The following HS1BP3 variants were observed in gnomAD, a reference collection of about 807,000 sequenced individuals.
HS1BP3 encodes HCLS1-binding protein 3.
Under a neutral mutation model 33.5 loss-of-function variants are expected in HS1BP3, and 32 were observed. The ratio of observed to expected loss-of-function variants is 0.95; its 90% CI spans 0.72 to 1.28. HS1BP3 has a LOEUF of 1.28. Among genes scored for constraint, HS1BP3 ranks in the 50% most tolerant of loss-of-function variants. HS1BP3 has a pLI of 0.00. For synonymous variants in HS1BP3, 187 were observed against 209.2 expected (o/e 0.89, Z 0.92); for missense variants, 486 against 502.3 (o/e 0.97, Z 0.31).
At chr2:20,571,196 C>A (rs916256857) in intron 5 of HS1BP3, among the ~76,000 whole-genome samples, 36 of 152,324 alleles carry the variant, frequency 2.4e-4, no homozygotes, top group African/African-American at 7.5e-4. Context: ...TGTTCCTTGA[C>A]GGTACCCCAG....
At chr2:20,586,074 C>T (rs915284057) in intron 5 of HS1BP3, among the ~76,000 whole-genome samples, 3 of 152,246 alleles carry the variant, frequency 2.0e-5, no homozygotes, top group Non-Finnish European at 4.4e-5. Context: ...CTACAGGCTC[C>T]GAGGTTCCAG....
chr2:20,649,006 G>A (rs907336397), intron 1 of HS1BP3, among the ~76,000 whole-genome samples: 5 of 152,198 alleles, frequency 3.3e-5, no homozygotes, highest in African/African-American at 4.8e-5. Context: ...CCTCACGGCC[G>A]CCATCACCCC....
chr2:20,618,886 C>T lies in HS1BP3; in HGVS notation c.*101G>A. ...GACCCAGGCTTCTGCCTGGCCTCCC[C>T]TGGGGGTGGGGAGGTTCTGACCCTG... On this transcript the variant is annotated 3_prime_UTR_variant, in exon 7 of 7. Coordinates refer to ENST00000304031, the MANE Select transcript of HS1BP3 (RefSeq NM_022460.4). 4 of 1,468,612 alleles carry T rather than the reference C, an allele frequency of 2.7e-6. No individual in the cohort carries two copies. Among genetic ancestry groups the T allele is most frequent in the South Asian group, 1.4e-5 (1 of 71,402 alleles). 91.0% of individuals were successfully genotyped at this position (1,468,612 alleles called of 1,614,324 possible).
chr2:20,555,973 G>A (rs867223965), downstream of HS1BP3, among the ~76,000 whole-genome samples: 1 of 152,104 alleles, frequency 6.6e-6, no homozygotes, highest in Non-Finnish European at 1.5e-5. Context: ...ACAATATATT[G>A]AGTCTATGTG....
chr2:20,650,307 C>A lies in HS1BP3; in HGVS notation c.32+725G>T, dbSNP rs80176929. On this transcript the variant is annotated intron_variant, in intron 1 of 6. Coordinates refer to ENST00000304031, the MANE Select transcript of HS1BP3 (RefSeq NM_022460.4). ...ATATTTGAAGTAAATCACTTTACAG[C>A]GTTTTAAAGGCGGAAAGAAGTAAAA... is the stretch of plus-strand genomic sequence containing the variant. Among the ~76,000 whole-genome samples, 983 of 152,236 alleles carry A rather than the reference C, an allele frequency of 6.5e-3. 13 individuals are homozygous for A. Among genetic ancestry groups the A allele is most frequent in the African/African-American group, 0.023 (953 of 41,526 alleles).
intron 5 of HS1BP3, among the ~76,000 whole-genome samples, chr2:20,569,564 T>C (rs1158035595): frequency 6.6e-6 from 1 of 152,240 alleles, no homozygotes; most frequent in South Asian, 2.1e-4. Flanking sequence ...AAAAATTCAT[T>C]GATCTGAAAT....
At chr2:20,644,677 T>C (rs1456077826) in intron 2 of HS1BP3, among the ~76,000 whole-genome samples, 1 of 152,192 alleles carries the variant, frequency 6.6e-6, no homozygotes, top group Non-Finnish European at 1.5e-5. Flanking sequence ...GGAATGACCA[T>C]ATTGGCCATG....
intron 2 of HS1BP3, among the ~76,000 whole-genome samples, chr2:20,602,684 T>C (rs1694095453): frequency 6.6e-6 from 1 of 152,160 alleles, no homozygotes; most frequent in Non-Finnish European, 1.5e-5. Flanking sequence ...AACTGGAAAG[T>C]CGATGACACC....
chr2:20,636,876 A>G (rs1695147485), intron 4 of HS1BP3: 1 of 152,264 alleles, frequency 6.6e-6, no homozygotes, highest in African/African-American at 2.4e-5. Flanking sequence ...GACAGAGGTG[A>G]TAACGTTGAT....
downstream of HS1BP3, among the ~76,000 whole-genome samples, chr2:20,615,424 C>T (rs533454432): frequency 1.2e-4 from 18 of 152,250 alleles, no homozygotes; most frequent in Non-Finnish European, 2.5e-4. Context: ...AACTGCAAGG[C>T]CTTAGGGTGC....
intron 4 of HS1BP3, among the ~76,000 whole-genome samples, chr2:20,626,093 C>A (rs1390207506): frequency 6.6e-6 from 1 of 152,156 alleles, no homozygotes; most frequent in Admixed American, 6.5e-5. Flanking sequence ...ATGTTGGTAA[C>A]ACGCTGCGGC....
chr2:20,566,281 A>T (rs1202667143), intron 5 of HS1BP3, among the ~76,000 whole-genome samples: 1 of 152,228 alleles, frequency 6.6e-6, no homozygotes, highest in Admixed American at 6.5e-5. Context: ...TACAGCTCTA[A>T]GGGAGACACA....
chr2:20,564,984 C>T (rs1393133536), intron 5 of HS1BP3, among the ~76,000 whole-genome samples: 1 of 152,206 alleles, frequency 6.6e-6, no homozygotes, highest in African/African-American at 2.4e-5. Context: ...GCAGGCTCTG[C>T]CCTGTTCTTT....
downstream of HS1BP3, among the ~76,000 whole-genome samples, chr2:20,589,856 G>T (rs1693770494): frequency 6.6e-6 from 1 of 152,074 alleles, no homozygotes; most frequent in South Asian, 2.1e-4. Flanking sequence ...GGGGAATTGG[G>T]GTGGGGGCAG....
chr2:20,628,490 C>T (rs964790549), intron 4 of HS1BP3, among the ~76,000 whole-genome samples: 1 of 152,216 alleles, frequency 6.6e-6, no homozygotes, highest in Middle Eastern at 3.4e-3. Flanking sequence ...CAAAAATTAG[C>T]GTAGCATGGT....
chr2:20,640,728 C>T, intron 3 of HS1BP3: 1 of 606,798 alleles, frequency 1.6e-6, no homozygotes, highest in Non-Finnish European at 3.0e-6. Flanking sequence ...TGGATGGGGT[C>T]ACACTATGGA....
chr2:20,599,651 CTGTT>C lies in HS1BP3; in HGVS notation c.179-1390_179-1387del, dbSNP rs1393131599. ...ACACACACACACACACACACACACT[CTGTT>C]TTTTTTTTTTTAAAGATCTGACTTT... On this transcript the variant is annotated intron_variant, in intron 2 of 3. Coordinates refer to the HS1BP3 transcript ENST00000415264. Among the ~76,000 whole-genome samples, 28 of 142,814 alleles carry C rather than the reference CTGTT, an allele frequency of 2.0e-4. No homozygotes were observed. In the South Asian group the frequency reaches 3.0e-3, roughly 16 times the overall value. 93.7% of individuals were successfully genotyped at this position (142,814 alleles called of 152,430 possible).
downstream of HS1BP3, among the ~76,000 whole-genome samples, chr2:20,591,853 C>T (rs1218766992): frequency 2.0e-5 from 3 of 152,178 alleles, no homozygotes; most frequent in Non-Finnish European, 2.9e-5. Context: ...CCCGAGCCAC[C>T]GCACCTGGCC....
chr2:20,619,914 G>A (rs550390423), intron 6 of HS1BP3, among the ~76,000 whole-genome samples: 5 of 152,312 alleles, frequency 3.3e-5, no homozygotes, highest in African/African-American at 4.8e-5. Flanking sequence ...GGTGCCAGAC[G>A]GAACCCAGTG....
Sources: gnomAD v4.1 joint callset for allele counts (sites outside exome capture counted in the v4.1 genomes callset) on GRCh38, gnomAD v4.1.1 for gene constraint, MANE v1.5 for transcripts, NCBI Gene and HGNC (gene_info 2026-07-23, HGNC 2026-07-21) for gene names.